The following CFAP61 variants were observed in gnomAD, a reference collection of about 807,000 sequenced individuals.
CFAP61 encodes the protein cilia and flagella associated protein 61, also known as cilia- and flagella-associated protein 61.
Under a neutral mutation model 135.6 loss-of-function variants are expected in CFAP61, and 107 were observed. The ratio of observed to expected loss-of-function variants is 0.79; its 90% CI spans 0.67 to 0.93. The LOEUF is 0.93. Among genes scored for constraint, CFAP61 ranks in the 40% least tolerant of loss-of-function variants. The pLI, the probability that CFAP61 is intolerant of heterozygous loss-of-function variation, is 0.00. For missense variants in CFAP61, 1,507 were observed against 1,556.2 expected (o/e 0.97, Z 0.53); for synonymous variants, 575 against 578.5 (o/e 0.99, Z 0.09).
At chr20:20,323,357 T>G (rs2057612215) in intron 25 of CFAP61, 1 of 970,962 alleles carries the variant, frequency 1.0e-6, no homozygotes, top group Non-Finnish European at 1.2e-6. Context: ...AAACACAATT[T>G]GTTCCTAAAA....
chr20:20,342,006 A>T (rs989551262), intron 26 of CFAP61, 85 bp downstream of exon 26: 2 of 884,152 alleles, frequency 2.3e-6, no homozygotes, highest in Admixed American at 5.1e-5. Context: ...TTTTCCCTAC[A>T]TTCCCATTTT....
chr20:20,315,181 C>T (rs1221994179), intron 25 of CFAP61, among the ~76,000 whole-genome samples: 4 of 152,034 alleles, frequency 2.6e-5, no homozygotes, highest in East Asian at 3.9e-4. Context: ...TATTTCTCCA[C>T]ATCCTCTCCA....
chr20:20,323,807 G>A lies in CFAP61; in HGVS notation c.3423-18024G>A, dbSNP rs145838102. ...CCAATTGTTAATTTTTTTGGTGTGTGTCCTTTCATATTTTTCTCTAAATAT... is the reference window on the plus strand; with the variant it reads ...CCAATTGTTAATTTTTTTGGTGTGTATCCTTTCATATTTTTCTCTAAATAT... On this transcript the variant is annotated intron_variant, in intron 25 of 26. Coordinates refer to ENST00000245957, the MANE Select transcript of CFAP61 (RefSeq NM_015585.4). Among the ~76,000 whole-genome samples the A allele has an allele frequency of 2.4e-3, 369 of 152,194 alleles. 3 individuals carry two copies. The highest frequency in any genetic ancestry group is 8.5e-3 in the African/African-American group (352 of 41,520).
chr20:20,112,290 A>G (rs2048852559), intron 8 of CFAP61, among the ~76,000 whole-genome samples: 1 of 152,182 alleles, frequency 6.6e-6, no homozygotes, highest in African/African-American at 2.4e-5. Context: ...TAGCGTGGGC[A>G]TTGACAAATT....
At chr20:20,183,424 AG>A (rs2055265144) in intron 13 of CFAP61, among the ~76,000 whole-genome samples, 1 of 152,144 alleles carries the variant, frequency 6.6e-6, no homozygotes, top group African/African-American at 2.4e-5. Context: ...GGCCTCCCAA[AG>A]TGCTGGGATT....
rs192937583 is a variant in CFAP61 at position 20,099,969 on chromosome 20, G to A, written c.859+1155G>A. Among the ~76,000 whole-genome samples the A allele has an allele frequency of 1.6e-3, 241 of 152,162 alleles. 3 individuals are homozygous for A. The highest frequency in any genetic ancestry group is 1.3e-3 in the Admixed American group (20 of 15,284). ...CCACAGATAGAGGAGTTTCCCTTTT[G>A]TGCTGATGATAACAACACCCTCCCC... On this transcript the variant is annotated intron_variant, in intron 8 of 26. Transcript: ENST00000245957.
chr20:20,277,542 C>T, intron 22 of CFAP61, 84 bp downstream of exon 22: 1 of 1,417,902 alleles, frequency 7.1e-7, no homozygotes, highest in Admixed American at 2.2e-5. Context: ...AGATTGCGGG[C>T]AGTGAATTTG....
At chr20:20,122,372 G>A (rs2049721954) in intron 8 of CFAP61, among the ~76,000 whole-genome samples, 1 of 152,076 alleles carries the variant, frequency 6.6e-6, no homozygotes, top group Non-Finnish European at 1.5e-5. Context: ...GGCCAGGCTG[G>A]TCTTGAACTG....
chr20:20,181,287 A>ACACACACT (rs2055077497), intron 13 of CFAP61, among the ~76,000 whole-genome samples: 1 of 150,882 alleles, frequency 6.6e-6, no homozygotes, highest in Admixed American at 6.6e-5. Flanking sequence ...ACACACACAC[A>ACACACACT]CACACACACA....
chr20:20,137,850 T>C (rs1207186384), intron 8 of CFAP61, among the ~76,000 whole-genome samples: 2 of 152,152 alleles, frequency 1.3e-5, no homozygotes, highest in African/African-American at 4.8e-5. Flanking sequence ...CAGCTGAGAA[T>C]GTGCCGGTCA....
chr20:20,202,764 G>A (rs1162302655), intron 17 of CFAP61, among the ~76,000 whole-genome samples: 3 of 151,102 alleles, frequency 2.0e-5, no homozygotes, highest in East Asian at 2.0e-4. Flanking sequence ...CCGCCCCCCC[G>A]CCACAACCCC....
intron 8 of CFAP61, among the ~76,000 whole-genome samples, chr20:20,117,867 CT>C (rs1209200251): frequency 5.3e-5 from 8 of 151,996 alleles, no homozygotes; most frequent in African/African-American, 1.9e-4. Flanking sequence ...AATGGGATTG[CT>C]TTCTTGATCT....
intron 6 of CFAP61, among the ~76,000 whole-genome samples, chr20:20,086,093 TG>T (rs2046777505): frequency 6.6e-6 from 1 of 152,154 alleles, no homozygotes; most frequent in Non-Finnish European, 1.5e-5. Context: ...TGTCCCTACC[TG>T]TTTTTTGTAC....
At chr20:20,284,196 CCTG>C (rs1267786433) in intron 22 of CFAP61, among the ~76,000 whole-genome samples, 1 of 151,902 alleles carries the variant, frequency 6.6e-6, no homozygotes, top group Non-Finnish European at 1.5e-5. Flanking sequence ...TTCCCCCTTG[CCTG>C]CTTTCTTTAG....
intron 8 of CFAP61, among the ~76,000 whole-genome samples, chr20:20,105,839 C>G (rs2048347620): frequency 6.7e-6 from 1 of 149,204 alleles, no homozygotes; most frequent in Admixed American, 6.7e-5. Flanking sequence ...TGGGGTTTCA[C>G]TGTGTTAGCC....
intron 12 of CFAP61, 67 bp from the exon 13 acceptor site, chr20:20,169,254 A>T: frequency 6.9e-7 from 1 of 1,449,220 alleles, no homozygotes; most frequent in Non-Finnish European, 9.4e-7. Flanking sequence ...GGTGTTTTTT[A>T]GAGGAATTTG....
At chr20:20,077,155 C>A (rs111533664) in intron 6 of CFAP61, among the ~76,000 whole-genome samples, 1,556 of 152,266 alleles carry the variant, frequency 0.01, 31 homozygotes, top group African/African-American at 0.036. Flanking sequence ...CCCAAAAAAA[C>A]CCCTCTAAAT....
In CFAP61 at chr20:20,134,616, A is replaced by G. The variant is rs577689248; in HGVS notation, c.860-8241A>G. On this transcript the variant is annotated intron_variant, in intron 8 of 26. Transcript: ENST00000245957. ...GAGGAGGGATTGAACCAGAACAATA[A>G]CTATGGATTAGATCTGGGAGGTATT... Among the ~76,000 whole-genome samples the G allele has an allele frequency of 3.4e-4, 52 of 152,332 alleles. No homozygotes were observed. In the South Asian group the frequency reaches 0.011, roughly 32 times the overall value.
At chr20:20,283,554 A>G (rs764920171) in intron 22 of CFAP61, among the ~76,000 whole-genome samples, 1 of 152,240 alleles carries the variant, frequency 6.6e-6, no homozygotes, top group Non-Finnish European at 1.5e-5. Context: ...TTACTAGTTT[A>G]TAGCTCTAGT....
Sources: gnomAD v4.1 joint callset for allele counts (sites outside exome capture counted in the v4.1 genomes callset) on GRCh38, gnomAD v4.1.1 for gene constraint, MANE v1.5 for transcripts, NCBI Gene and HGNC (gene_info 2026-07-23, HGNC 2026-07-21) for gene names.